The following CP variants were observed in gnomAD, a reference collection of about 807,000 sequenced individuals.
CP encodes the protein ceruloplasmin.
A neutral mutation model predicts 122.4 loss-of-function variants in CP; 64 were observed. The observed-to-expected ratio is 0.52, with a 90% confidence interval of 0.43 to 0.64. The LOEUF (loss-of-function observed/expected upper bound fraction) is 0.64, where lower values mean the gene tolerates loss of function less well. CP is among the 30% of genes least tolerant of loss of function. The pLI is 0.00. For synonymous variants in CP, 440 were observed against 436.4 expected (o/e 1.01, Z -0.10); for missense variants, 1,167 against 1,284.4 (o/e 0.91, Z 1.40).
At chr3:149,187,266 G>T (rs1726238067) in intron 10 of CP, among the ~76,000 whole-genome samples, 2 of 152,000 alleles carry the variant, frequency 1.3e-5, no homozygotes, top group Admixed American at 6.6e-5. Flanking sequence ...AGAATCAAAA[G>T]AAATATTTTA....
chr3:149,219,915 C>T (rs960914848), intron 1 of CP, among the ~76,000 whole-genome samples: 18 of 152,036 alleles, frequency 1.2e-4, no homozygotes, highest in Non-Finnish European at 2.2e-4. Flanking sequence ...CCTCCTTTGC[C>T]TTCCACCATG....
intron 11 of CP, 74 bp from the exon 12 acceptor site, chr3:149,185,520 A>C: frequency 1.4e-6 from 2 of 1,380,822 alleles, no homozygotes; most frequent in Non-Finnish European, 2.0e-6. Flanking sequence ...CCTCAGAATT[A>C]ATGCTGAAGT....
intron 11 of CP, 44 bp downstream of exon 11, chr3:149,186,476 T>C: frequency 6.3e-7 from 1 of 1,584,628 alleles, no homozygotes; most frequent in Non-Finnish European, 8.7e-7. Flanking sequence ...AAACCAAAAC[T>C]ACACAAATCC....
chr3:149,186,644 A>C lies in CP; in HGVS notation c.1953T>G (p.Asn651Lys). 1 of 1,614,148 alleles carries C rather than the reference A, an allele frequency of 6.2e-7. No homozygotes were observed. ...SVVWYLFSAG[N>K]EADVHGIYFS... is the part of the protein sequence containing the mutation. ...AGTATATTCCATGTACATCGGCCTC[A>C]TTTCCGGCGCTGAATAAGTACCACA... Residue 651 changes from asparagine to lysine, a missense_variant, in exon 11 of 19, where the codon AAT (asparagine) becomes AAG (lysine). Physicochemically the swap from Asn to Lys is moderately conservative, Grantham distance 94 (BLOSUM62 0). Transcript: ENST00000264613.
chr3:149,207,318 C>G (rs1377985898), intron 5 of CP, 45 bp downstream of exon 5: 1 of 1,613,102 alleles, frequency 6.2e-7, no homozygotes. Flanking sequence ...TTCCCAGTAA[C>G]CACCTTTTTC....
At chr3:149,200,906 T>A (rs1727262350) in intron 7 of CP, among the ~76,000 whole-genome samples, 1 of 152,070 alleles carries the variant, frequency 6.6e-6, no homozygotes, top group African/African-American at 2.4e-5. Context: ...TTGTAATACC[T>A]TGTTCAAAAA....
intron 4 of CP, chr3:149,167,288 A>T (rs775542159): frequency 2.1e-6 from 3 of 1,451,566 alleles, no homozygotes; most frequent in Non-Finnish European, 2.9e-6. Flanking sequence ...TGATAATCAG[A>T]TCTGATAACC....
intron 3 of CP, 28 bp downstream of exon 3, chr3:149,210,139 T>G: frequency 1.2e-6 from 2 of 1,606,120 alleles, no homozygotes; most frequent in South Asian, 1.1e-5. Context: ...TTTGGTCATA[T>G]AGCATGTGCA....
chr3:149,221,463 G>A (rs1439623426), intron 1 of CP, among the ~76,000 whole-genome samples, 184 bp downstream of exon 1: 1 of 151,970 alleles, frequency 6.6e-6, no homozygotes, highest in Non-Finnish European at 1.5e-5. Flanking sequence ...AAAGAAGCAG[G>A]GTAGTCCACC....
chr3:149,201,508 A>G (rs1727316925), intron 7 of CP, among the ~76,000 whole-genome samples: 1 of 152,192 alleles, frequency 6.6e-6, no homozygotes, highest in Admixed American at 6.5e-5. Context: ...CAAGTCACAT[A>G]AACACACAAC....
chr3:149,186,163 C>A, intron 11 of CP: 1 of 341,318 alleles, frequency 2.9e-6, no homozygotes, highest in Non-Finnish European at 5.6e-6. Context: ...GCTACAGAGA[C>A]ATGATGAAAA....
In CP at chr3:149,186,682, C is replaced by T. The variant is rs747577917; in HGVS notation, c.1915G>A (p.Gly639Arg). The T allele has an allele frequency of 4.3e-6, 7 of 1,614,092 alleles. No individual in the cohort carries two copies. Among genetic ancestry groups the T allele is most frequent in the South Asian group, 1.1e-5 (1 of 91,088 alleles). ...AATAAGTACCACACGACCGAATCTC[C>T]TTTGCACATAGTGAGACCCGGCTGA... The part of the protein sequence containing the change: ...GNQPGLTMCK[G>R]DSVVWYLFSA... Residue 639 changes from glycine (G) to arginine (R), a missense_variant, in exon 11 of 19, where the codon GGA (glycine) becomes AGA (arginine). Gly to Arg is a moderately radical substitution (Grantham distance 125). Transcript: ENST00000264613.
chr3:149,214,783 G>A (rs1728349811), intron 1 of CP, among the ~76,000 whole-genome samples: 1 of 152,170 alleles, frequency 6.6e-6, no homozygotes, highest in Non-Finnish European at 1.5e-5. Flanking sequence ...CACAGAAAGA[G>A]TCTTAATAAA....
chr3:149,214,068 A>G (rs1050489291), intron 1 of CP, among the ~76,000 whole-genome samples: 1 of 152,154 alleles, frequency 6.6e-6, no homozygotes, highest in Non-Finnish European at 1.5e-5. Flanking sequence ...TTTTGATGAG[A>G]TAGTCTGCTC....
chr3:149,210,218 G>T lies in CP; in HGVS notation c.556C>A (p.Pro186Thr). Residue 186 changes from proline (P) to threonine (T), a missense_variant, in exon 3 of 19, where the codon CCA becomes ACA. Coordinates refer to ENST00000264613, the MANE Select transcript of CP (RefSeq NM_000096.4). ...TRIYHSHIDA[P>T]KDIASGLIGP... ...ATGAGTCCTGAGGCAATATCTTTTG[G>T]AGCATCAATGTGGGAATGGTAAATC... 6.2e-7 allele frequency: 1 copy of T among 1,613,934 alleles called. No homozygotes were observed. Among genetic ancestry groups the T allele is most frequent in the South Asian group, 1.1e-5 (1 of 91,066 alleles).
At chr3:149,184,025 CTTCT>C (rs1725972824) in intron 12 of CP, among the ~76,000 whole-genome samples, 2 of 66,306 alleles carry the variant, frequency 3.0e-5, no homozygotes, top group Non-Finnish European at 6.8e-5. Context: ...TTTTCACTTA[CTTCT>C]TTTTTTTTTT....
chr3:149,181,371 C>T (rs1725765093), intron 14 of CP, among the ~76,000 whole-genome samples: 1 of 152,126 alleles, frequency 6.6e-6, no homozygotes, highest in African/African-American at 2.4e-5. Context: ...TCAGCAATGC[C>T]ACCTCCTCAA....
chr3:149,175,486 T>C (rs904927845), intron 18 of CP, among the ~76,000 whole-genome samples: 2 of 152,148 alleles, frequency 1.3e-5, no homozygotes, highest in Non-Finnish European at 2.9e-5. Flanking sequence ...GTATGTTCCC[T>C]TTTTCCCCAT....
intron 10 of CP, among the ~76,000 whole-genome samples, chr3:149,187,057 C>T (rs1485734036): frequency 6.6e-6 from 1 of 152,068 alleles, no homozygotes; most frequent in Admixed American, 6.5e-5. Context: ...TTTGTGAGCA[C>T]CCAAATCTGC....
Sources: gnomAD v4.1 joint callset for allele counts (sites outside exome capture counted in the v4.1 genomes callset) on GRCh38, gnomAD v4.1.1 for gene constraint, MANE v1.5 for transcripts, NCBI Gene and HGNC (gene_info 2026-07-23, HGNC 2026-07-21) for gene names.